The following HHIPL2 variants were observed in gnomAD, a reference collection of about 807,000 sequenced individuals.
HHIPL2 encodes HHIP-like protein 2.
HHIPL2 carries 61 observed loss-of-function variants against 61.0 expected under a neutral mutation model. The observed-to-expected ratio is 1.00, with a 90% CI of 0.81 to 1.24. HHIPL2 has a LOEUF of 1.24. Ranked by LOEUF, HHIPL2 falls within the 50% of genes most tolerant of loss-of-function variation. HHIPL2 has a pLI of 0.00. For missense variants in HHIPL2, 885 were observed against 910.2 expected (o/e 0.97, Z 0.36); for synonymous variants, 343 against 357.4 (o/e 0.96, Z 0.45).
At chr1:222,534,593 A>AAAT (rs1553270415) in intron 5 of HHIPL2, among the ~76,000 whole-genome samples, 38,509 of 148,386 alleles carry the variant, frequency 0.26, 5,347 homozygotes, top group Non-Finnish European at 0.29. Context: ...AAAAAAAAAA[A>AAAT]AAAAATTACA....
rs1392007777 is a variant in HHIPL2, at chr1:222,543,805, C to A, written c.706G>T (p.Glu236Ter). 1.2e-6 allele frequency: 2 copies of A among 1,614,070 alleles called. No homozygotes were observed. Among genetic ancestry groups the A allele is most frequent in the Non-Finnish European group, 8.5e-7 (1 of 1,179,998 alleles). Residue 236 changes from glutamate to a stop codon, truncating the protein, a stop_gained, in exon 2 of 9, where the codon GAG becomes TAG. Transcript: ENST00000343410. LOFTEE classifies it high-confidence loss of function. ...TAGACCCACACCACTCCTACCTGCT[C>A]GGCAACAAAGAAGCGATGGGTGCCG... ...GDGTHRFFVA[E>*]QVGVVWVYLP...
At chr1:222,527,309 C>T (rs1367307419) in intron 6 of HHIPL2, among the ~76,000 whole-genome samples, 1 of 152,174 alleles carries the variant, frequency 6.6e-6, no homozygotes, top group Admixed American at 6.5e-5. Flanking sequence ...GTTTGTTTAT[C>T]AAACCAAACA....
chr1:222,523,162 C>T (rs1658989655), intron 8 of HHIPL2, among the ~76,000 whole-genome samples: 1 of 152,124 alleles, frequency 6.6e-6, no homozygotes, highest in Admixed American at 6.5e-5. Flanking sequence ...TCTAGGGGCC[C>T]TCTAAGTGCC....
At chr1:222,525,953 C>T (rs139480219) in intron 7 of HHIPL2, among the ~76,000 whole-genome samples, 80 of 152,020 alleles carry the variant, frequency 5.3e-4, no homozygotes, top group African/African-American at 1.7e-3. Context: ...GAGCCGAGAT[C>T]GTGTCACTGC....
intron 5 of HHIPL2, among the ~76,000 whole-genome samples, chr1:222,538,423 C>CAGAGAG (rs369750527): frequency 6.1e-5 from 9 of 147,230 alleles, no homozygotes; most frequent in South Asian, 4.4e-4. Flanking sequence ...GAGAGAGAGA[C>CAGAGAG]AGAGAGAGAG....
intron 2 of HHIPL2, among the ~76,000 whole-genome samples, chr1:222,542,871 G>A (rs557215299): frequency 1.3e-5 from 2 of 152,276 alleles, no homozygotes; most frequent in East Asian, 1.9e-4. Context: ...CCCAGCCAGG[G>A]TAACAACCAT....
rs1659000195 is a variant in HHIPL2, at chr1:222,523,612, T to G, written c.1888A>C (p.Lys630Gln). 6.2e-7 allele frequency: 1 copy of G among 1,613,986 alleles called. No individual in the cohort carries two copies. The highest frequency in any genetic ancestry group is 1.3e-5 in the African/African-American group (1 of 74,920). Residue 630 changes from lysine (K) to glutamine (Q), a missense_variant and splice_region_variant, in exon 8 of 9, where the codon AAG becomes CAG. By Grantham distance (53) the Lys-to-Gln change is moderately conservative. Transcript: ENST00000343410. ...SKRIPFRPLA[K>Q]TVLDLLKEQS... ...GCCTAAGACTCAAAGATGGACTCAC[T>G]GGCGAGTGGTCTGAACGGGATCCGC...
chr1:222,547,245 C>T (rs1659573599), intron 1 of HHIPL2, among the ~76,000 whole-genome samples: 1 of 152,182 alleles, frequency 6.6e-6, no homozygotes, highest in Non-Finnish European at 1.5e-5. Flanking sequence ...CCAACCCCTG[C>T]CACCGCCAGG....
intron 1 of HHIPL2, among the ~76,000 whole-genome samples, chr1:222,545,060 A>G (rs995708788): frequency 6.6e-6 from 1 of 152,186 alleles, no homozygotes. Context: ...TCCCTAGACT[A>G]TAACATTTTT....
At chr1:222,530,716 T>G (rs1407051720) in intron 6 of HHIPL2, among the ~76,000 whole-genome samples, 3 of 132,438 alleles carry the variant, frequency 2.3e-5, no homozygotes, top group Non-Finnish European at 3.2e-5. Flanking sequence ...TTTATACCTA[T>G]AGAGAATCTT....
intron 5 of HHIPL2, among the ~76,000 whole-genome samples, chr1:222,537,191 TGAAAA>T (rs1659318656): frequency 1.3e-5 from 2 of 151,884 alleles, no homozygotes; most frequent in South Asian, 4.2e-4. Flanking sequence ...CATCAAAAGA[TGAAAA>T]GAAGCATTTG....
chr1:222,546,851 T>C (rs924962891), intron 1 of HHIPL2, among the ~76,000 whole-genome samples: 1 of 152,214 alleles, frequency 6.6e-6, no homozygotes, highest in African/African-American at 2.4e-5. Context: ...CCAGGAGTCA[T>C]GAACAGATGC....
intron 8 of HHIPL2, 39 bp downstream of exon 8, chr1:222,523,573 A>C: frequency 6.3e-7 from 1 of 1,592,482 alleles, no homozygotes; most frequent in Non-Finnish European, 8.6e-7. Context: ...CTTAGCCTCC[A>C]CACCAAGGCC....
intron 6 of HHIPL2, among the ~76,000 whole-genome samples, chr1:222,531,741 A>G (rs959145390): frequency 1.1e-4 from 16 of 152,232 alleles, no homozygotes; most frequent in African/African-American, 3.9e-4. Flanking sequence ...CTCAAAAAAA[A>G]GAAGAAAAAA....
At chr1:222,533,272 T>A (rs1413613579) in intron 5 of HHIPL2, among the ~76,000 whole-genome samples, 2 of 149,952 alleles carry the variant, frequency 1.3e-5, no homozygotes, top group Non-Finnish European at 3.0e-5. Flanking sequence ...GGCTGAGGCA[T>A]GAGAATTGCT....
chr1:222,535,410 T>C (rs1231662115), intron 5 of HHIPL2, among the ~76,000 whole-genome samples: 4 of 152,244 alleles, frequency 2.6e-5, no homozygotes, highest in Non-Finnish European at 4.4e-5. Context: ...AACATTCTTA[T>C]TGCCACTGTA....
intron 7 of HHIPL2, among the ~76,000 whole-genome samples, chr1:222,526,245 C>T (rs1191922846): frequency 6.6e-6 from 1 of 152,020 alleles, no homozygotes; most frequent in East Asian, 1.9e-4. Context: ...CACTAAACTC[C>T]AGAAAAGGTA....
At chr1:222,531,566 G>T (rs758938597) in intron 6 of HHIPL2, among the ~76,000 whole-genome samples, 1 of 151,936 alleles carries the variant, frequency 6.6e-6, no homozygotes. Flanking sequence ...CGGCCAACAC[G>T]GCAAAACCCC....
intron 2 of HHIPL2, among the ~76,000 whole-genome samples, chr1:222,543,063 G>A (rs1240601033): frequency 6.6e-6 from 1 of 152,190 alleles, no homozygotes; most frequent in Admixed American, 6.5e-5. Flanking sequence ...AGAGTGGTAG[G>A]GTGGAAAGAG....
Sources: allele counts gnomAD v4.1 joint callset (sites outside exome capture counted in the v4.1 genomes callset), GRCh38; gene constraint gnomAD v4.1.1; transcripts MANE v1.5; gene names NCBI Gene and HGNC (gene_info 2026-07-23, HGNC 2026-07-21).